Variants in GRID2 observed in about 807,000 individuals in gnomAD.
GRID2 encodes glutamate ionotropic receptor delta type subunit 2.
A neutral mutation model predicts 114.8 loss-of-function variants in GRID2; 33 were observed. The observed-to-expected ratio is 0.29, with a 90% CI of 0.22 to 0.38. The LOEUF (loss-of-function observed/expected upper bound fraction) is 0.38, where lower values mean the gene tolerates loss of function less well. GRID2 is among the 10% of genes least tolerant of loss of function. The probability of loss-of-function intolerance (pLI) is 1.00; values close to 1 mark genes in which losing one functional copy is unlikely to be tolerated. For synonymous variants in GRID2, 505 were observed against 449.9 expected (o/e 1.12, Z -1.55); for missense variants, 1,184 against 1,257.7 (o/e 0.94, Z 0.89).
At chr4:93,545,664 T>C (rs760773791) in intron 13 of GRID2, among the ~76,000 whole-genome samples, 1 of 152,184 alleles carries the variant, frequency 6.6e-6, no homozygotes, top group African/African-American at 2.4e-5. Flanking sequence ...TGACATCACA[T>C]TGGTAGCTTA....
At chr4:93,377,827 T>C in intron 8 of GRID2, among the ~76,000 whole-genome samples, 1 of 152,098 alleles carries the variant, frequency 6.6e-6, no homozygotes. Context: ...CTTGCTACAG[T>C]AACCTGGCAT....
At chr4:92,552,570 A>C (rs1017503411) in intron 1 of GRID2, among the ~76,000 whole-genome samples, 1 of 152,172 alleles carries the variant, frequency 6.6e-6, no homozygotes, top group Non-Finnish European at 1.5e-5. Flanking sequence ...ATGGAAACTA[A>C]TGGAGAATAT....
At chr4:92,915,931 T>C (rs931360644) in intron 2 of GRID2, among the ~76,000 whole-genome samples, 1 of 152,174 alleles carries the variant, frequency 6.6e-6, no homozygotes, top group Non-Finnish European at 1.5e-5. Flanking sequence ...TTATTTTTGG[T>C]AACTTTGTTT....
intron 2 of GRID2, among the ~76,000 whole-genome samples, chr4:92,806,937 A>G (rs905425110): frequency 1.3e-5 from 2 of 151,992 alleles, no homozygotes; most frequent in Non-Finnish European, 2.9e-5. Context: ...GAAAGCAGCT[A>G]TGACATATGT....
At chr4:92,513,125 A>G (rs1724337171) in intron 1 of GRID2, among the ~76,000 whole-genome samples, 1 of 151,860 alleles carries the variant, frequency 6.6e-6, no homozygotes, top group African/African-American at 2.4e-5. Context: ...GTGTATATGG[A>G]TTTGTATCAT....
Position 92,870,332 on chromosome 4 carries a change from T to C in GRID2, c.245-214663T>C, listed in dbSNP as rs181883733. 1.8e-4 allele frequency among the ~76,000 whole-genome samples: 27 copies of C among 152,152 alleles called. 2 individuals carry two copies. The East Asian group carries it at 5.2e-3, about 29-fold the overall frequency. ...CTCATTTAGAATGTTCATCTTCCTC[T>C]TCCACAGGAGTTTAAGCTCCATAAG... On this transcript the variant is annotated intron_variant, in intron 2 of 15. Coordinates refer to ENST00000282020, the MANE Select transcript of GRID2 (RefSeq NM_001510.4).
At chr4:92,811,790 G>A (rs1358928871) in intron 2 of GRID2, among the ~76,000 whole-genome samples, 3 of 152,030 alleles carry the variant, frequency 2.0e-5, no homozygotes, top group African/African-American at 2.4e-5. Context: ...TTAACAATGT[G>A]AATATCATTG....
intron 2 of GRID2, among the ~76,000 whole-genome samples, chr4:92,878,495 T>C (rs1200335889): frequency 6.6e-6 from 1 of 152,102 alleles, no homozygotes; most frequent in Non-Finnish European, 1.5e-5. Flanking sequence ...AAAGAGAGAG[T>C]ACCTGGATGG....
chr4:93,635,357 T>C (rs1721319760), intron 14 of GRID2, among the ~76,000 whole-genome samples: 1 of 150,072 alleles, frequency 6.7e-6, no homozygotes, highest in Non-Finnish European at 1.5e-5. Flanking sequence ...CACTGAAGGT[T>C]CACTCTCAAA....
At chr4:93,078,082 A>G (rs1177827021) in intron 2 of GRID2, among the ~76,000 whole-genome samples, 1 of 152,020 alleles carries the variant, frequency 6.6e-6, no homozygotes, top group Non-Finnish European at 1.5e-5. Context: ...ACCACTCTCT[A>G]CCATGCTCTT....
intron 4 of GRID2, among the ~76,000 whole-genome samples, chr4:93,170,381 G>GC (rs887690096): frequency 5.4e-4 from 82 of 151,690 alleles, no homozygotes; most frequent in Non-Finnish European, 7.8e-4. Context: ...ACTGTGCTGG[G>GC]CCCCCCCCTT....
At chr4:92,652,763 A>C (rs1300029407) in intron 2 of GRID2, among the ~76,000 whole-genome samples, 4 of 142,198 alleles carry the variant, frequency 2.8e-5, no homozygotes, top group African/African-American at 1.0e-4. Context: ...GGATCACAAG[A>C]TCAGGAGTTC....
chr4:93,186,402 C>T (rs1220081435), intron 4 of GRID2, among the ~76,000 whole-genome samples: 2 of 152,150 alleles, frequency 1.3e-5, no homozygotes, highest in Non-Finnish European at 2.9e-5. Context: ...TCTCCAGCAT[C>T]TGTTGTTTCC....
intron 2 of GRID2, among the ~76,000 whole-genome samples, chr4:92,771,291 C>T (rs1440233673): frequency 1.3e-5 from 2 of 152,174 alleles, no homozygotes; most frequent in East Asian, 3.9e-4. Flanking sequence ...ATTATACTCT[C>T]CCTTTGATCT....
intron 2 of GRID2, among the ~76,000 whole-genome samples, chr4:92,982,338 A>C (rs995808303): frequency 1.3e-5 from 2 of 152,096 alleles, no homozygotes; most frequent in African/African-American, 4.8e-5. Context: ...ATTACATGTA[A>C]ATTTCTTTTA....
chr4:92,428,275 AATAATAAT>A (rs1468940688), intron 1 of GRID2, among the ~76,000 whole-genome samples: 1 of 151,968 alleles, frequency 6.6e-6, no homozygotes, highest in African/African-American at 2.4e-5. Context: ...TAATAATAAT[AATAATAAT>A]AATAGTTTTG....
intron 11 of GRID2, among the ~76,000 whole-genome samples, chr4:93,466,102 T>C (rs910638988): frequency 3.9e-5 from 6 of 152,190 alleles, no homozygotes; most frequent in African/African-American, 1.4e-4. Flanking sequence ...TTGGGAATTA[T>C]ATCTCGAGAT....
chr4:93,265,649 C>T (rs900207718), intron 8 of GRID2, among the ~76,000 whole-genome samples: 3 of 151,984 alleles, frequency 2.0e-5, no homozygotes, highest in Non-Finnish European at 4.4e-5. Context: ...TAAATGTGAC[C>T]TATGCATACT....
chr4:93,057,169 T>TGTGC (rs1727334871), intron 2 of GRID2, among the ~76,000 whole-genome samples: 1 of 151,356 alleles, frequency 6.6e-6, no homozygotes, highest in Admixed American at 6.6e-5. Flanking sequence ...TGTCTGTGTG[T>TGTGC]GTGTGTGTGT....
Sources: allele counts gnomAD v4.1 joint callset (sites outside exome capture counted in the v4.1 genomes callset), GRCh38; gene constraint gnomAD v4.1.1; transcripts MANE v1.5; gene names NCBI Gene and HGNC (gene_info 2026-07-23, HGNC 2026-07-21).